The following TRMT11 variants were observed in gnomAD, a reference collection of about 807,000 sequenced individuals.
TRMT11 encodes tRNA methyltransferase 11, also known as tRNA (guanine(10)-N(2))-methyltransferase TRMT11.
Under a neutral mutation model 62.8 loss-of-function variants are expected in TRMT11, and 53 were observed. The ratio of observed to expected loss-of-function variants is 0.84; its 90% CI spans 0.68 to 1.06. The LOEUF (loss-of-function observed/expected upper bound fraction) is 1.06, where lower values mean the gene tolerates loss of function less well. TRMT11 is among the 50% of genes least tolerant of loss of function. The probability of loss-of-function intolerance (pLI) is 0.00; values close to 1 mark genes in which losing one functional copy is unlikely to be tolerated. For missense variants in TRMT11, 556 were observed against 553.4 expected (o/e 1.00, Z -0.05); for synonymous variants, 188 against 190.3 (o/e 0.99, Z 0.10).
At chr6:126,194,460 G>C (rs1778641485) in intron 1 of TRMT11, among the ~76,000 whole-genome samples, 1 of 152,050 alleles carries the variant, frequency 6.6e-6, no homozygotes, top group South Asian at 2.1e-4. Flanking sequence ...CACTCAACAA[G>C]ACCTTATTAA....
chr6:126,213,954 G>A, the TRMT11 span, among the ~76,000 whole-genome samples: 1 of 151,968 alleles, frequency 6.6e-6, no homozygotes, highest in Non-Finnish European at 1.5e-5. Context: ...ATTAATGAAG[G>A]AATGTTAAAT....
intron 1 of TRMT11, among the ~76,000 whole-genome samples, chr6:125,991,842 T>C (rs1790685588): frequency 6.6e-6 from 1 of 152,214 alleles, no homozygotes; most frequent in South Asian, 2.1e-4. Flanking sequence ...TAGTACTTAT[T>C]GTACTAAATA....
intron 17 of TRMT11, among the ~76,000 whole-genome samples, chr6:126,070,583 C>T (rs1199590482): frequency 6.6e-6 from 1 of 152,194 alleles, no homozygotes; most frequent in Admixed American, 6.5e-5. Flanking sequence ...CTCTCCTTCC[C>T]TCTCTTTTCT....
At chr6:126,170,258 T>C (rs1178025933) in intron 21 of TRMT11, among the ~76,000 whole-genome samples, 2 of 152,230 alleles carry the variant, frequency 1.3e-5, no homozygotes, top group African/African-American at 2.4e-5. Context: ...CATGCATTCA[T>C]ACCTCCTGCT....
chr6:126,262,827 C>T, the TRMT11 span, among the ~76,000 whole-genome samples: 1 of 152,214 alleles, frequency 6.6e-6, no homozygotes, highest in Non-Finnish European at 1.5e-5. Flanking sequence ...ATCTCACTTC[C>T]TTCCTGATGG....
intron 21 of TRMT11, among the ~76,000 whole-genome samples, chr6:126,151,956 CTTTTCTTTCTTTCCTCT>C (rs1562335026): frequency 1.5e-4 from 9 of 58,310 alleles, no homozygotes; most frequent in South Asian, 5.9e-4. Flanking sequence ...TTCTTTCTTT[CTTTTCTTTCTTTCCTCT>C]CTCTCTCCCC....
intron 17 of TRMT11, among the ~76,000 whole-genome samples, chr6:126,085,036 A>T (rs1777198891): frequency 6.6e-6 from 1 of 152,094 alleles, no homozygotes. Context: ...AATAATAATG[A>T]TGTTCTGCTA....
intron 16 of TRMT11, among the ~76,000 whole-genome samples, chr6:126,052,872 T>A (rs1164095797): frequency 1.3e-5 from 2 of 152,226 alleles, no homozygotes; most frequent in Non-Finnish European, 2.9e-5. Context: ...CTCCAGTCTG[T>A]CTTTCTGAAC....
At chr6:126,239,413 A>C in the TRMT11 span, among the ~76,000 whole-genome samples, 2 of 152,060 alleles carry the variant, frequency 1.3e-5, no homozygotes, top group Non-Finnish European at 2.9e-5. Flanking sequence ...GTGGTGACAA[A>C]ATCTCTCAGC....
At chr6:126,199,145 G>A (rs1414170187) in intron 2 of TRMT11, among the ~76,000 whole-genome samples, 1 of 152,186 alleles carries the variant, frequency 6.6e-6, no homozygotes, top group Non-Finnish European at 1.5e-5. Context: ...GGCTTAAACA[G>A]AGAAAAGTTT....
chr6:126,023,453 G>T (rs1796122029), intron 12 of TRMT11, among the ~76,000 whole-genome samples: 1 of 152,142 alleles, frequency 6.6e-6, no homozygotes, highest in African/African-American at 2.4e-5. Flanking sequence ...TTCGAGACGT[G>T]CCTGGCCAAT....
intron 21 of TRMT11, among the ~76,000 whole-genome samples, chr6:126,162,631 G>A (rs946407244): frequency 1.2e-4 from 18 of 152,150 alleles, no homozygotes; most frequent in African/African-American, 4.1e-4. Flanking sequence ...GACTAGCATT[G>A]AATCTATAAA....
intron 17 of TRMT11, among the ~76,000 whole-genome samples, chr6:126,111,037 A>G (rs375919015): frequency 1.3e-5 from 2 of 152,092 alleles, no homozygotes; most frequent in Admixed American, 1.3e-4. Flanking sequence ...ATATGGGAGG[A>G]GACTTAAATG....
chr6:126,247,564 A>G, the TRMT11 span, among the ~76,000 whole-genome samples: 1 of 147,084 alleles, frequency 6.8e-6, no homozygotes, highest in African/African-American at 2.5e-5. Flanking sequence ...ATAAATATAT[A>G]AATATATATA....
At chr6:126,078,567 G>A (rs576548032) in intron 17 of TRMT11, among the ~76,000 whole-genome samples, 6 of 152,160 alleles carry the variant, frequency 3.9e-5, no homozygotes, top group South Asian at 2.1e-4. Context: ...TCCTTACTGC[G>A]CATTTGTCAT....
At chr6:126,218,492 C>T in the TRMT11 span, among the ~76,000 whole-genome samples, 1 of 152,204 alleles carries the variant, frequency 6.6e-6, no homozygotes, top group South Asian at 2.1e-4. Context: ...TCACTTCTGG[C>T]CCAGGGTATA....
intron 9 of TRMT11, among the ~76,000 whole-genome samples, chr6:126,011,651 A>G (rs1794219856): frequency 6.6e-6 from 1 of 151,896 alleles, no homozygotes; most frequent in Non-Finnish European, 1.5e-5. Flanking sequence ...ATCCCCTGTT[A>G]TATCCTTTTA....
intron 1 of TRMT11, among the ~76,000 whole-genome samples, chr6:126,198,210 A>C (rs929029769): frequency 6.6e-6 from 1 of 152,178 alleles, no homozygotes; most frequent in African/African-American, 2.4e-5. Context: ...GATGCATGAC[A>C]AAAAAATAAA....
intron 17 of TRMT11, among the ~76,000 whole-genome samples, chr6:126,064,217 C>T (rs566183413): frequency 3.6e-4 from 54 of 152,054 alleles, no homozygotes; most frequent in African/African-American, 1.2e-3. Flanking sequence ...AGGGAGAAAG[C>T]GCACATGCAA....
Sources: gnomAD v4.1 joint callset for allele counts (sites outside exome capture counted in the v4.1 genomes callset) on GRCh38, gnomAD v4.1.1 for gene constraint, MANE v1.5 for transcripts, NCBI Gene and HGNC (gene_info 2026-07-23, HGNC 2026-07-21) for gene names.